The following PDE8B variants were observed in gnomAD, a reference collection of about 807,000 sequenced individuals.
The protein encoded by PDE8B is high affinity cAMP-specific and IBMX-insensitive 3',5'-cyclic phosphodiesterase 8B.
PDE8B carries 26 observed loss-of-function variants against 101.3 expected under a neutral mutation model. That is an observed-to-expected ratio of 0.26 (90% CI 0.19 to 0.36). The LOEUF (loss-of-function observed/expected upper bound fraction) is 0.36, where lower values mean the gene tolerates loss of function less well. Ranked by LOEUF, PDE8B falls within the 10% of genes least tolerant of loss-of-function variation. The probability of loss-of-function intolerance (pLI) is 1.00; values close to 1 mark genes in which losing one functional copy is unlikely to be tolerated. For missense variants in PDE8B, 810 were observed against 1,163.1 expected (o/e 0.70, Z 4.42); for synonymous variants, 424 against 429.3 (o/e 0.99, Z 0.15).
At chr5:77,370,183 A>G (rs1282270433) in intron 10 of PDE8B, among the ~76,000 whole-genome samples, 2 of 152,230 alleles carry the variant, frequency 1.3e-5, no homozygotes, top group Admixed American at 6.5e-5. Context: ...ACATACAAAG[A>G]AATGCACAAA....
rs1763876844 is a variant in PDE8B at position 77,276,509 on chromosome 5, T to C, written c.340-35485T>C. ...GTTAGGCCTCTGCCTTGGCACCCAG[T>C]GGAGTCTTCAATAAATACCTGGTGA... On this transcript the variant is annotated intron_variant, in intron 1 of 21. Transcript: ENST00000264917. 2.6e-5 allele frequency among the ~76,000 whole-genome samples: 4 copies of C among 152,376 alleles called. No individual in the cohort carries two copies. In the South Asian group the frequency reaches 6.2e-4, roughly 24 times the overall value.
intron 1 of PDE8B, among the ~76,000 whole-genome samples, chr5:77,227,998 C>A (rs557634960): frequency 2.0e-5 from 3 of 152,270 alleles, no homozygotes; most frequent in Admixed American, 2.0e-4. Flanking sequence ...AGTACAGGCA[C>A]AGCTCATCTG....
intron 1 of PDE8B, chr5:77,290,397 G>A: frequency 1.4e-6 from 2 of 1,390,488 alleles, no homozygotes; most frequent in Non-Finnish European, 2.0e-6. Context: ...CTGTTGCTCT[G>A]CTAACAACTA....
At chr5:77,426,259 A>C in intron 21 of PDE8B, 186 bp from the exon 22 acceptor site, 1 of 636,614 alleles carries the variant, frequency 1.6e-6, no homozygotes, top group Non-Finnish European at 2.8e-6. Flanking sequence ...GTCACTGATA[A>C]GCAGCTTTTC....
intron 1 of PDE8B, among the ~76,000 whole-genome samples, chr5:77,296,543 G>A (rs995262332): frequency 9.2e-5 from 14 of 152,130 alleles, no homozygotes; most frequent in African/African-American, 3.4e-4. Context: ...CAGCCCACAT[G>A]TCTTTAGAAC....
chr5:77,137,073 C>T, the PDE8B span, among the ~76,000 whole-genome samples: 1 of 152,178 alleles, frequency 6.6e-6, no homozygotes, highest in African/African-American at 2.4e-5. Flanking sequence ...TTTCACCTTT[C>T]TCTATTCCGC....
intron 1 of PDE8B, among the ~76,000 whole-genome samples, chr5:77,247,590 G>A (rs1757224391): frequency 6.6e-6 from 1 of 152,102 alleles, no homozygotes; most frequent in Non-Finnish European, 1.5e-5. Flanking sequence ...CCACATGCCA[G>A]GCCTCGGGCT....
At chr5:77,370,142 T>G (rs1581289060) in intron 10 of PDE8B, among the ~76,000 whole-genome samples, 1 of 152,324 alleles carries the variant, frequency 6.6e-6, no homozygotes, top group East Asian at 1.9e-4. Flanking sequence ...TAGCAACAGT[T>G]CTATATCTGC....
intron 10 of PDE8B, 97 bp from the exon 11 acceptor site, chr5:77,400,151 C>T (rs1791945795): frequency 1.2e-6 from 1 of 861,052 alleles, no homozygotes; most frequent in Non-Finnish European, 2.0e-6. Context: ...TTCTTCAAGT[C>T]TTCAGAGCTT....
the PDE8B span, among the ~76,000 whole-genome samples, chr5:77,142,769 C>CTT: frequency 4.3e-4 from 62 of 144,408 alleles, no homozygotes; most frequent in African/African-American, 1.5e-3. Flanking sequence ...TTCATGTAAT[C>CTT]TTTTTTTTTT....
At chr5:77,181,153 A>C in the PDE8B span, among the ~76,000 whole-genome samples, 9 of 144,770 alleles carry the variant, frequency 6.2e-5, no homozygotes, top group African/African-American at 2.3e-4. Flanking sequence ...AGCTGGGTGA[A>C]TAGACGGAGC....
upstream of PDE8B, among the ~76,000 whole-genome samples, chr5:77,208,902 C>T (rs1225132364): frequency 6.6e-6 from 1 of 152,230 alleles, no homozygotes; most frequent in Non-Finnish European, 1.5e-5. Context: ...GAAGCATCAT[C>T]CCACCTTCAG....
At chr5:77,093,486 C>T in the PDE8B span, among the ~76,000 whole-genome samples, 1 of 152,082 alleles carries the variant, frequency 6.6e-6, no homozygotes, top group Non-Finnish European at 1.5e-5. Context: ...TTTGTTTATT[C>T]TGCTCTTCTG....
chr5:77,346,653 A>G (rs761019635), intron 7 of PDE8B, among the ~76,000 whole-genome samples: 4 of 152,224 alleles, frequency 2.6e-5, no homozygotes, highest in Non-Finnish European at 5.9e-5. Flanking sequence ...GGCCAGTATA[A>G]CAGATGCCTG....
intron 1 of PDE8B, among the ~76,000 whole-genome samples, chr5:77,264,810 T>C (rs1347195163): frequency 6.6e-6 from 1 of 152,200 alleles, no homozygotes; most frequent in Admixed American, 6.5e-5. Flanking sequence ...TAAGATGCAA[T>C]AGGAGATCAG....
At chr5:77,335,760 T>C (rs553637092) in intron 5 of PDE8B, among the ~76,000 whole-genome samples, 3 of 152,304 alleles carry the variant, frequency 2.0e-5, no homozygotes, top group African/African-American at 7.2e-5. Flanking sequence ...TACTTAATAG[T>C]TTGCCAGCCA....
chr5:77,097,685 T>TTATATATATATATATATATA, the PDE8B span, among the ~76,000 whole-genome samples: 5 of 18,112 alleles, frequency 2.8e-4, no homozygotes, highest in Non-Finnish European at 7.0e-4. Flanking sequence ...TGTGGAGATT[T>TTATATATATATATATATATA]TATATATCTA....
intron 11 of PDE8B, among the ~76,000 whole-genome samples, chr5:77,401,003 T>G (rs1219757372): frequency 6.6e-6 from 1 of 152,174 alleles, no homozygotes; most frequent in Non-Finnish European, 1.5e-5. Flanking sequence ...GTGTTTAGTC[T>G]CTCTTCTTGG....
intron 10 of PDE8B, among the ~76,000 whole-genome samples, chr5:77,361,180 C>T (rs1225309804): frequency 6.6e-6 from 1 of 152,190 alleles, no homozygotes; most frequent in Non-Finnish European, 1.5e-5. Flanking sequence ...CACACATCTT[C>T]CCAACTCCAC....
Sources: allele counts gnomAD v4.1 joint callset (sites outside exome capture counted in the v4.1 genomes callset), GRCh38; gene constraint gnomAD v4.1.1; transcripts MANE v1.5; gene names NCBI Gene and HGNC (gene_info 2026-07-23, HGNC 2026-07-21).